MTUS2: variants seen among roughly 807,000 people sequenced by gnomAD.
MTUS2 encodes the protein microtubule associated scaffold protein 2.
Under a neutral mutation model 114.1 loss-of-function variants are expected in MTUS2, and 40 were observed. The ratio of observed to expected loss-of-function variants is 0.35; its 90% CI spans 0.27 to 0.46. The LOEUF is 0.46. Ranked by LOEUF, MTUS2 falls within the 20% of genes least tolerant of loss-of-function variation. The pLI is 1.00. For missense variants in MTUS2, 1,679 were observed against 1,705.4 expected (o/e 0.98, Z 0.27); for synonymous variants, 688 against 672.0 (o/e 1.02, Z -0.37).
intron 4 of MTUS2, among the ~76,000 whole-genome samples, chr13:29,037,282 C>T (rs1018173621): frequency 3.9e-5 from 6 of 152,128 alleles, no homozygotes; most frequent in Non-Finnish European, 7.3e-5. Context: ...TTTAGTTTGG[C>T]TGGATATGAA....
chr13:29,282,685 A>G (rs1443226095), intron 6 of MTUS2, among the ~76,000 whole-genome samples: 1 of 152,244 alleles, frequency 6.6e-6, no homozygotes, highest in Admixed American at 6.5e-5. Context: ...TAGATGGCTC[A>G]TCCATACCAG....
intron 2 of MTUS2, among the ~76,000 whole-genome samples, chr13:28,957,505 T>C (rs1883126654): frequency 6.6e-6 from 1 of 152,264 alleles, no homozygotes; most frequent in African/African-American, 2.4e-5. Context: ...ACTTTTTTTC[T>C]TGTCACTCTT....
At chr13:28,861,747 A>G (rs1279778656) in intron 2 of MTUS2, among the ~76,000 whole-genome samples, 2 of 152,048 alleles carry the variant, frequency 1.3e-5, no homozygotes, top group African/African-American at 4.8e-5. Context: ...AGTGAGGCAG[A>G]TATTCCCCGT....
chr13:29,077,972 G>A (rs964507085), intron 4 of MTUS2, among the ~76,000 whole-genome samples: 1 of 152,088 alleles, frequency 6.6e-6, no homozygotes, highest in African/African-American at 2.4e-5. Flanking sequence ...ATCAAAATGA[G>A]AATATCTGGT....
At chr13:29,066,495 A>G (rs1333065915) in intron 4 of MTUS2, among the ~76,000 whole-genome samples, 1 of 152,070 alleles carries the variant, frequency 6.6e-6, no homozygotes, top group African/African-American at 2.4e-5. Flanking sequence ...GCAACTACTC[A>G]CCTCCGATGT....
At chr13:29,371,599 A>G (rs1871196444) in intron 8 of MTUS2, among the ~76,000 whole-genome samples, 1 of 152,188 alleles carries the variant, frequency 6.6e-6, no homozygotes, top group African/African-American at 2.4e-5. Context: ...ATAATATTTT[A>G]TTATTTTATT....
intron 2 of MTUS2, among the ~76,000 whole-genome samples, chr13:28,889,360 C>T (rs910776871): frequency 6.6e-6 from 1 of 152,208 alleles, no homozygotes; most frequent in South Asian, 2.1e-4. Flanking sequence ...AGCATTTTCT[C>T]TTCTGTGCTC....
chr13:28,894,345 A>AGAGAGT (rs201187817), intron 2 of MTUS2, among the ~76,000 whole-genome samples: 1 of 97,668 alleles, frequency 1.0e-5, no homozygotes, highest in Non-Finnish European at 2.0e-5. Flanking sequence ...AGAGAGAGAG[A>AGAGAGT]GAGAGTGAGA....
chr13:29,246,330 C>A (rs879273239), intron 5 of MTUS2, among the ~76,000 whole-genome samples: 4 of 152,180 alleles, frequency 2.6e-5, no homozygotes, highest in Non-Finnish European at 5.9e-5. Context: ...CGAGGCAGAC[C>A]TAGACCATTC....
intron 5 of MTUS2, among the ~76,000 whole-genome samples, chr13:29,276,543 C>CA (rs367690170): frequency 1.3e-5 from 2 of 152,218 alleles, no homozygotes; most frequent in African/African-American, 4.8e-5. Flanking sequence ...GTCCCGCTGG[C>CA]ATGGGCACAG....
chr13:29,323,411 G>C (rs2139677161), intron 6 of MTUS2, among the ~76,000 whole-genome samples: 1 of 150,114 alleles, frequency 6.7e-6, no homozygotes, highest in South Asian at 2.1e-4. Flanking sequence ...CACCATGCCT[G>C]GCTAATTTTT....
chr13:29,064,759 A>AT (rs1360056893), intron 4 of MTUS2, among the ~76,000 whole-genome samples: 2 of 151,762 alleles, frequency 1.3e-5, no homozygotes, highest in Non-Finnish European at 2.9e-5. Flanking sequence ...CCCAATAGAT[A>AT]TTTTTTCTGC....
chr13:29,315,438 A>G (rs1036251942), intron 6 of MTUS2, among the ~76,000 whole-genome samples: 8 of 152,224 alleles, frequency 5.3e-5, no homozygotes, highest in Non-Finnish European at 8.8e-5. Context: ...CCCCATACAT[A>G]TGTACAATTA....
chr13:29,447,987 T>G (rs1878410124), intron 9 of MTUS2, among the ~76,000 whole-genome samples: 1 of 152,104 alleles, frequency 6.6e-6, no homozygotes, highest in African/African-American at 2.4e-5. Flanking sequence ...TGAAATCGGT[T>G]TATAAGATGC....
chr13:29,332,968 T>A (rs981764097), intron 7 of MTUS2, among the ~76,000 whole-genome samples: 1 of 152,024 alleles, frequency 6.6e-6, no homozygotes, highest in African/African-American at 2.4e-5. Flanking sequence ...TGTTAGAGTG[T>A]CGATTTTAGA....
intron 5 of MTUS2, among the ~76,000 whole-genome samples, chr13:29,190,125 A>C (rs1321403132): frequency 6.6e-6 from 1 of 152,222 alleles, no homozygotes; most frequent in Non-Finnish European, 1.5e-5. Context: ...ACTGTGAGAA[A>C]TAAATGTCTA....
At chr13:29,374,411 A>G (rs1289863660) in intron 8 of MTUS2, among the ~76,000 whole-genome samples, 1 of 152,236 alleles carries the variant, frequency 6.6e-6, no homozygotes, top group African/African-American at 2.4e-5. Flanking sequence ...TTAAACTGCT[A>G]AAAACTAAAG....
rs145179731 is a variant in MTUS2 at position 29,322,491 on chromosome 13, G to C, written c.2807-2122G>C. On this transcript the variant is annotated intron_variant, in intron 6 of 15. Transcript: ENST00000612955. ...GAAGCCCGGAGGAGAGCAGGGGTTGGAGGGGTACACGCTTAGACCCTATCT... is the reference window on the plus strand; with the variant it reads ...GAAGCCCGGAGGAGAGCAGGGGTTGCAGGGGTACACGCTTAGACCCTATCT... Among the ~76,000 whole-genome samples, 1,110 of 152,304 alleles carry C rather than the reference G, an allele frequency of 7.3e-3. 13 individuals are homozygous for C. The highest frequency in any genetic ancestry group is 0.026 in the African/African-American group (1,063 of 41,570).
chr13:29,318,391 C>CTTTTTTTTTTTTTTTTTTT (rs71090240), intron 6 of MTUS2, among the ~76,000 whole-genome samples: 86 of 134,992 alleles, frequency 6.4e-4, no homozygotes, highest in Non-Finnish European at 8.5e-4. Flanking sequence ...ATTTCTTTTT[C>CTTTTTTTTTTTTTTTTTTT]TTTTTTTTTT....
Sources: gnomAD v4.1 joint callset for allele counts (sites outside exome capture counted in the v4.1 genomes callset) on GRCh38, gnomAD v4.1.1 for gene constraint, MANE v1.5 for transcripts, NCBI Gene and HGNC (gene_info 2026-07-23, HGNC 2026-07-21) for gene names.